COL19A1: variants seen among roughly 807,000 people sequenced by gnomAD.
COL19A1 encodes the protein collagen type XIX alpha 1 chain, also known as collagen alpha-1(XIX) chain.
In COL19A1, 159 loss-of-function variants were observed where a neutral mutation model predicts 190.2. The ratio of observed to expected loss-of-function variants is 0.84; its 90% CI spans 0.73 to 0.95. The LOEUF (loss-of-function observed/expected upper bound fraction) is 0.95, where lower values mean the gene tolerates loss of function less well. COL19A1 is among the 40% of genes least tolerant of loss of function. The pLI is 0.00. For missense variants in COL19A1, 1,418 were observed against 1,431.9 expected, an observed-to-expected ratio of 0.99 and a Z score of 0.16; for synonymous variants, 509 against 458.9, an observed-to-expected ratio of 1.11 and a Z score of -1.39.
At chr6:69,880,060 G>T (rs537463524) in intron 2 of COL19A1, among the ~76,000 whole-genome samples, 7 of 152,270 alleles carry the variant, frequency 4.6e-5, no homozygotes, top group South Asian at 2.1e-4. Flanking sequence ...TGAAAAATCG[G>T]ATAGGAGGTA....
At chr6:69,935,771 A>G (rs553550647) in intron 7 of COL19A1, among the ~76,000 whole-genome samples, 48 of 151,912 alleles carry the variant, frequency 3.2e-4, no homozygotes, top group Non-Finnish European at 6.9e-4. Context: ...CAGGATGTGC[A>G]GGTTTGTTAC....
intron 11 of COL19A1, among the ~76,000 whole-genome samples, chr6:69,992,015 A>G (rs1776652853): frequency 6.6e-6 from 1 of 152,098 alleles, no homozygotes; most frequent in African/African-American, 2.4e-5. Context: ...GTTATCTTCC[A>G]GGGTTTTTAC....
chr6:70,102,141 T>G, intron 15 of COL19A1, 28 bp from the exon 16 acceptor site: 1 of 1,584,188 alleles, frequency 6.3e-7, no homozygotes, highest in Non-Finnish European at 8.7e-7. Context: ...GTCACAGTAT[T>G]TATCATCTAT....
chr6:69,996,189 C>CTT (rs2150078708), intron 11 of COL19A1, among the ~76,000 whole-genome samples: 1 of 152,156 alleles, frequency 6.6e-6, no homozygotes, highest in South Asian at 2.1e-4. Context: ...ATTCAGGTGG[C>CTT]TTTAGGAGTT....
chr6:70,006,228 T>A (rs898186776), intron 11 of COL19A1, among the ~76,000 whole-genome samples: 16 of 152,194 alleles, frequency 1.1e-4, no homozygotes, highest in African/African-American at 3.9e-4. Flanking sequence ...AGATTCCAGC[T>A]GAGAGCCTGT....
At chr6:70,116,436 C>T (rs74645261) in intron 16 of COL19A1, among the ~76,000 whole-genome samples, 2,466 of 152,268 alleles carry the variant, frequency 0.016, 97 homozygotes, top group East Asian at 0.15. Context: ...GATCAAAACT[C>T]CTTGCCCTCA....
rs574363456 is a variant in COL19A1, at chr6:70,102,196, G to A, written c.1252G>A (p.Gly418Arg). 5.6e-6 allele frequency: 9 copies of A among 1,612,604 alleles called. No individual in the cohort carries two copies. Among genetic ancestry groups the A allele is most frequent in the Middle Eastern group, 1.7e-4 (1 of 6,056 alleles). Residue 418 changes from glycine (G) to arginine (R), a missense_variant, in exon 16 of 51, where the codon GGA (glycine) becomes AGA (arginine). Coordinates refer to ENST00000620364, the MANE Select transcript of COL19A1 (RefSeq NM_001858.6). ...RGRRGKTGPP[G>R]KPGPPGPPGP... ...AAGACGAGGGAAAACAGGACCTCCC[G>A]GAAAACCAGGACCCCCAGGACCACC...
chr6:69,930,378 C>G (rs576657301), intron 6 of COL19A1, among the ~76,000 whole-genome samples: 7 of 152,170 alleles, frequency 4.6e-5, no homozygotes, highest in African/African-American at 1.7e-4. Flanking sequence ...AATTTGATGG[C>G]TGCACGTTTT....
chr6:70,072,855 AG>A (rs1231526192), intron 15 of COL19A1, among the ~76,000 whole-genome samples: 1 of 152,160 alleles, frequency 6.6e-6, no homozygotes, highest in Non-Finnish European at 1.5e-5. Context: ...ACAAAAGTAC[AG>A]GAGGGCAGGG....
At chr6:70,101,248 A>C (rs1309372815) in intron 15 of COL19A1, among the ~76,000 whole-genome samples, 1 of 152,250 alleles carries the variant, frequency 6.6e-6, no homozygotes, top group Non-Finnish European at 1.5e-5. Context: ...GACCATATTT[A>C]GAAAACATAT....
chr6:70,127,385 A>G lies in COL19A1; in HGVS notation c.1342-2797A>G, dbSNP rs556021461. The stretch of plus-strand genomic sequence containing the variant: ...AAGCAAGAGTGGATTGTAAAAGGCC[A>G]GTTAGAGACTCACTGCAATCCTGGC... On this transcript the variant is annotated intron_variant, in intron 17 of 50. Coordinates refer to ENST00000620364, the MANE Select transcript of COL19A1 (RefSeq NM_001858.6). Among the ~76,000 whole-genome samples, 13 of 152,282 alleles carry G rather than the reference A, an allele frequency of 8.5e-5. No individual in the cohort carries two copies. The East Asian group carries it at 2.5e-3, about 30-fold the overall frequency.
chr6:70,076,295 C>A (rs1162971629), intron 15 of COL19A1, among the ~76,000 whole-genome samples: 1 of 152,210 alleles, frequency 6.6e-6, no homozygotes. Flanking sequence ...GCATAATATA[C>A]ACCCATTGTC....
intron 40 of COL19A1, among the ~76,000 whole-genome samples, chr6:70,171,378 G>A (rs1200137459): frequency 6.6e-6 from 1 of 152,112 alleles, no homozygotes; most frequent in African/African-American, 2.4e-5. Context: ...ACTAGAAAAT[G>A]TAAAGATTTT....
intron 16 of COL19A1, among the ~76,000 whole-genome samples, chr6:70,113,479 T>G (rs1431062193): frequency 1.3e-5 from 2 of 152,216 alleles, no homozygotes. Flanking sequence ...CCTTGGAGTT[T>G]CTGTGCACCA....
At chr6:70,142,940 C>A in intron 23 of COL19A1, 120 bp downstream of exon 23, 2 of 867,812 alleles carry the variant, frequency 2.3e-6, no homozygotes, top group Non-Finnish European at 3.6e-6. Flanking sequence ...CATGGGTCAT[C>A]TATGCCACAA....
intron 16 of COL19A1, among the ~76,000 whole-genome samples, 183 bp from the exon 17 acceptor site, chr6:70,121,697 A>T (rs1784885726): frequency 6.6e-6 from 1 of 152,150 alleles, no homozygotes; most frequent in Non-Finnish European, 1.5e-5. Flanking sequence ...TAACCTAGAA[A>T]TATCTTAGGA....
At chr6:70,175,408 A>G (rs1371453104) in intron 41 of COL19A1, among the ~76,000 whole-genome samples, 1 of 151,940 alleles carries the variant, frequency 6.6e-6, no homozygotes, top group Admixed American at 6.6e-5. Flanking sequence ...ATATTCTTTG[A>G]GCTCTTTTAT....
intron 10 of COL19A1, among the ~76,000 whole-genome samples, chr6:69,962,144 T>G (rs1582536885): frequency 6.6e-6 from 1 of 152,304 alleles, no homozygotes; most frequent in East Asian, 1.9e-4. Context: ...TTGTTGAGTG[T>G]ATGAATGAAA....
chr6:70,006,129 C>T (rs1238952250), intron 11 of COL19A1, among the ~76,000 whole-genome samples: 4 of 152,186 alleles, frequency 2.6e-5, no homozygotes, highest in African/African-American at 7.2e-5. Flanking sequence ...GGCTGCTACC[C>T]CTTCCTCAGG....
Sources: gnomAD v4.1 joint callset for allele counts (sites outside exome capture counted in the v4.1 genomes callset) on GRCh38, gnomAD v4.1.1 for gene constraint, MANE v1.5 for transcripts, NCBI Gene and HGNC (gene_info 2026-07-23, HGNC 2026-07-21) for gene names.